Variants in ADCY2 observed in about 807,000 individuals in gnomAD.
ADCY2 encodes adenylate cyclase type 2.
ADCY2 carries 31 observed loss-of-function variants against 125.2 expected under a neutral mutation model. That is an observed-to-expected ratio of 0.25 (90% CI 0.19 to 0.33). The LOEUF (loss-of-function observed/expected upper bound fraction) is 0.33, where lower values mean the gene tolerates loss of function less well. Among genes scored for constraint, ADCY2 ranks in the 10% least tolerant of loss-of-function variants. ADCY2 has a pLI of 1.00. For synonymous variants in ADCY2, 512 were observed against 548.4 expected, an observed-to-expected ratio of 0.93 and a Z score of 0.93; for missense variants, 904 against 1,418.2, an observed-to-expected ratio of 0.64 and a Z score of 5.82.
At chr5:7,583,965 GC>G (rs1277549005) in intron 3 of ADCY2, among the ~76,000 whole-genome samples, 2 of 152,036 alleles carry the variant, frequency 1.3e-5, no homozygotes, top group African/African-American at 4.8e-5. Context: ...ATGAAAGGAA[GC>G]CCAATGCAAA....
At chr5:7,528,568 T>C (rs1031582297) in intron 3 of ADCY2, among the ~76,000 whole-genome samples, 24 of 152,186 alleles carry the variant, frequency 1.6e-4, no homozygotes, top group African/African-American at 5.5e-4. Flanking sequence ...AGAATTTATT[T>C]AAAAATAAAA....
chr5:7,484,692 G>A (rs1020424034), intron 2 of ADCY2, among the ~76,000 whole-genome samples: 3 of 152,108 alleles, frequency 2.0e-5, no homozygotes, highest in African/African-American at 7.2e-5. Flanking sequence ...TGACATGCCT[G>A]TGGCTCTCCG....
intron 1 of ADCY2, among the ~76,000 whole-genome samples, chr5:7,405,505 G>A (rs1373833954): frequency 6.6e-6 from 1 of 152,146 alleles, no homozygotes; most frequent in Non-Finnish European, 1.5e-5. Flanking sequence ...TGAGTGGGGT[G>A]CCAGGTCACT....
At chr5:7,537,373 T>G (rs964728474) in intron 3 of ADCY2, among the ~76,000 whole-genome samples, 1 of 152,204 alleles carries the variant, frequency 6.6e-6, no homozygotes, top group African/African-American at 2.4e-5. Context: ...AAATTAAGCA[T>G]TTCCCAAAGT....
chr5:7,810,165 T>A (rs116678422), intron 22 of ADCY2, among the ~76,000 whole-genome samples: 3,971 of 152,284 alleles, frequency 0.026, 60 homozygotes, highest in Middle Eastern at 0.054. Context: ...TGCTTTTTTT[T>A]AAAAAGGATA....
At chr5:7,413,159 A>G (rs1739789722) in intron 1 of ADCY2, among the ~76,000 whole-genome samples, 2 of 152,118 alleles carry the variant, frequency 1.3e-5, no homozygotes, top group Non-Finnish European at 1.5e-5. Context: ...TGGTATTTGC[A>G]TGGAGCCATT....
intron 18 of ADCY2, among the ~76,000 whole-genome samples, chr5:7,778,815 A>G (rs1188493111): frequency 2.0e-5 from 3 of 152,234 alleles, no homozygotes; most frequent in Non-Finnish European, 4.4e-5. Context: ...GAGGAAAAAC[A>G]AGAAAACCTA....
intron 4 of ADCY2, among the ~76,000 whole-genome samples, chr5:7,630,941 C>T (rs139927719): frequency 2.5e-3 from 385 of 152,194 alleles, no homozygotes; most frequent in African/African-American, 9.0e-3. Flanking sequence ...GTGTCCACCA[C>T]CACACCTGGC....
rs898567219 is a variant in ADCY2 at position 7,743,584 on chromosome 5, G to T, written c.1872-84G>T. ...GCAGTCTGCATTTAATAAAGTCCTC[G>T]TTAACCCAAAAGTATTACTGGTAGC... On this transcript the variant is annotated intron_variant, in intron 14 of 24. Transcript: ENST00000338316. The T allele has an allele frequency of 5.6e-5, 73 of 1,302,796 alleles. No individual in the cohort carries two copies. In the African/African-American group the frequency reaches 1.0e-3, roughly 18 times the overall value. The allele number at this position is 1,302,796 out of a possible 1,614,324, so 80.7% of individuals were successfully genotyped here.
rs374349843 is a variant in ADCY2, at chr5:7,755,458, T to G, written c.1957-1991T>G. ...TAGAGAGGAGGAGATTTTGTTGTTG[T>G]TTACATAGATATAAAGGAAATAGGA... is the stretch of plus-strand genomic sequence containing the variant. On this transcript the variant is annotated intron_variant, in intron 15 of 24. Transcript: ENST00000338316. Among the ~76,000 whole-genome samples, 26 of 152,050 alleles carry G rather than the reference T, an allele frequency of 1.7e-4. No individual in the cohort carries two copies. The South Asian group carries it at 5.4e-3, about 32-fold the overall frequency.
At chr5:7,695,673 A>T in intron 5 of ADCY2, 79 bp from the exon 6 acceptor site, 1 of 822,502 alleles carries the variant, frequency 1.2e-6, no homozygotes, top group Non-Finnish European at 1.8e-6. Flanking sequence ...ACATGATTTT[A>T]ATGGAAAAAT....
intron 20 of ADCY2, among the ~76,000 whole-genome samples, chr5:7,791,679 C>G (rs326130): frequency 0.2 from 30,010 of 152,062 alleles, 3,654 homozygotes; most frequent in East Asian, 0.62. Context: ...CCTCTGTTCT[C>G]GTTAACAGGA....
intron 3 of ADCY2, among the ~76,000 whole-genome samples, chr5:7,567,065 A>G (rs991473947): frequency 1.3e-5 from 2 of 152,228 alleles, no homozygotes; most frequent in Admixed American, 6.5e-5. Flanking sequence ...TCATTGGCAT[A>G]GTGTTTTCTT....
intron 4 of ADCY2, among the ~76,000 whole-genome samples, chr5:7,684,692 A>C (rs551983020): frequency 6.6e-6 from 1 of 151,854 alleles, no homozygotes; most frequent in South Asian, 2.1e-4. Flanking sequence ...GTGAAGCTGG[A>C]AGACGAGTTC....
intron 4 of ADCY2, among the ~76,000 whole-genome samples, chr5:7,670,391 G>A (rs896643835): frequency 2.0e-5 from 3 of 152,174 alleles, no homozygotes; most frequent in Admixed American, 6.5e-5. Flanking sequence ...TAGGTATTGT[G>A]TGTAAAATAT....
At chr5:7,708,673 A>G (rs1265830825) in intron 9 of ADCY2, among the ~76,000 whole-genome samples, 1 of 152,220 alleles carries the variant, frequency 6.6e-6, no homozygotes, top group Non-Finnish European at 1.5e-5. Context: ...TTATGGTAGC[A>G]TCTGGGAAGC....
intron 16 of ADCY2, among the ~76,000 whole-genome samples, chr5:7,761,243 A>G (rs1579403516): frequency 7.7e-6 from 1 of 129,674 alleles, no homozygotes. Flanking sequence ...TCTGCTTCCC[A>G]GGTTCAAATG....
chr5:7,408,978 C>T (rs1342498383), intron 1 of ADCY2, among the ~76,000 whole-genome samples: 1 of 152,082 alleles, frequency 6.6e-6, no homozygotes, highest in African/African-American at 2.4e-5. Flanking sequence ...TGGAATCAAC[C>T]TAAATGCCCA....
At chr5:7,740,870 T>C (rs1411348257) in intron 14 of ADCY2, among the ~76,000 whole-genome samples, 1 of 152,084 alleles carries the variant, frequency 6.6e-6, no homozygotes, top group Non-Finnish European at 1.5e-5. Context: ...AAATATTTTC[T>C]AACAAATGAC....
Sources: gnomAD v4.1 joint callset for allele counts (sites outside exome capture counted in the v4.1 genomes callset) on GRCh38, gnomAD v4.1.1 for gene constraint, MANE v1.5 for transcripts, NCBI Gene and HGNC (gene_info 2026-07-23, HGNC 2026-07-21) for gene names.